Variants in DYNLL2 observed in about 807,000 individuals in gnomAD.
DYNLL2 encodes dynein light chain LC8-type 2, also known as dynein light chain 2, cytoplasmic.
In DYNLL2, 1 loss-of-function variant was observed where a neutral mutation model predicts 9.7. The ratio of observed to expected loss-of-function variants is 0.10; its 90% CI spans 0.04 to 0.49. DYNLL2 has a LOEUF of 0.49. DYNLL2 is among the 20% of genes least tolerant of loss of function. DYNLL2 has a pLI of 0.95. For missense variants in DYNLL2, 37 were observed against 115.2 expected (o/e 0.32, Z 3.11); for synonymous variants, 35 against 40.5 (o/e 0.86, Z 0.52).
intron 1 of DYNLL2, among the ~76,000 whole-genome samples, chr17:58,086,466 C>CG (rs1249683510): frequency 6.6e-6 from 1 of 152,170 alleles, no homozygotes; most frequent in African/African-American, 2.4e-5. Context: ...TACAACAACT[C>CG]GCGATAGAGA....
intron 1 of DYNLL2, among the ~76,000 whole-genome samples, chr17:58,085,083 T>C (rs140458982): frequency 1.8e-4 from 27 of 152,354 alleles, no homozygotes; most frequent in African/African-American, 6.3e-4. Flanking sequence ...GAATCTTTCC[T>C]CAGCACCACA....
intron 2 of DYNLL2, 66 bp from the exon 3 acceptor site, chr17:58,089,076 C>G (rs1194096161): frequency 6.3e-7 from 1 of 1,591,980 alleles, no homozygotes; most frequent in African/African-American, 1.4e-5. Flanking sequence ...GGAGAGACTC[C>G]CATTCTGATT....
Position 58,089,930 on chromosome 17 carries a change from G to A in DYNLL2, c.*651G>A. On this transcript the variant is annotated 3_prime_UTR_variant, in exon 3 of 3. Transcript: ENST00000579991. ...GGAGCAGATTTGTCTTGCTGTCTTT[G>A]TCAGAATTTCTAAGTAAGGGCTGTG... 1 of 398,758 alleles carries A rather than the reference G, an allele frequency of 2.5e-6. No individual in the cohort carries two copies. Among genetic ancestry groups the A allele is most frequent in the Non-Finnish European group, 4.4e-6 (1 of 226,162 alleles). 24.7% of individuals were successfully genotyped at this position (398,758 alleles called of 1,614,324 possible). A position where few individuals can be genotyped will look rare whatever the true frequency, so the allele number is the denominator to read the frequency against.
chr17:58,091,578 T>A lies in DYNLL2; in HGVS notation c.*2299T>A, dbSNP rs950311260. On this transcript the variant is annotated 3_prime_UTR_variant, in exon 3 of 3. Transcript: ENST00000579991. ...TGCTGCTTCAACTTTTGCCCAAAGCTCTTATCTTTCATACTCCTCCCTTCT... is the reference window on the plus strand; with the variant it reads ...TGCTGCTTCAACTTTTGCCCAAAGCACTTATCTTTCATACTCCTCCCTTCT... 3 of 152,294 alleles carry A rather than the reference T, an allele frequency of 2.0e-5. No homozygotes were observed. The East Asian group carries it at 5.8e-4, about 29-fold the overall frequency. The allele number at this position is 152,294 out of a possible 1,614,324, so 9.4% of individuals were successfully genotyped here. A position where few individuals can be genotyped will look rare whatever the true frequency, so the allele number is the denominator to read the frequency against.
At chr17:58,085,014 A>G (rs1415999248) in intron 1 of DYNLL2, among the ~76,000 whole-genome samples, 1 of 152,220 alleles carries the variant, frequency 6.6e-6, no homozygotes, top group Non-Finnish European at 1.5e-5. Context: ...AGTATTTAAA[A>G]TGAAGATGTT....
rs886502867 is a variant in DYNLL2 at position 58,089,997 on chromosome 17, A to G, written c.*718A>G. ...TCTTTTGTTCTTCCTGCCAGAGATC[A>G]TGACAGGAGGATGCTGGGGTAGGAT... On this transcript the variant is annotated 3_prime_UTR_variant, in exon 3 of 3. Coordinates refer to ENST00000579991, the MANE Select transcript of DYNLL2 (RefSeq NM_080677.3). The G allele has an allele frequency of 5.0e-6, 2 of 398,368 alleles. No homozygotes were observed. The highest frequency in any genetic ancestry group is 8.8e-5 in the Admixed American group (2 of 22,712). 24.7% of individuals were successfully genotyped at this position (398,368 alleles called of 1,614,324 possible).
Position 58,092,527 on chromosome 17 carries a change from G to A in DYNLL2, c.*3248G>A, listed in dbSNP as rs1209462555. On this transcript the variant is annotated 3_prime_UTR_variant, in exon 3 of 3. Coordinates refer to ENST00000579991, the MANE Select transcript of DYNLL2 (RefSeq NM_080677.3). ...CAGATGGAAATTGTGGAATTCTCTCGGAACAATGCAGCCATTATTAGAACT... is the reference window on the plus strand; with the variant it reads ...CAGATGGAAATTGTGGAATTCTCTCAGAACAATGCAGCCATTATTAGAACT... The A allele has an allele frequency of 2.6e-5, 4 of 152,206 alleles. No individual in the cohort carries two copies. The highest frequency in any genetic ancestry group is 4.8e-5 in the African/African-American group (2 of 41,430). The allele number at this position is 152,206 out of a possible 1,614,324, so 9.4% of individuals were successfully genotyped here. A position where few individuals can be genotyped will look rare whatever the true frequency, so the allele number is the denominator to read the frequency against.
intron 2 of DYNLL2, among the ~76,000 whole-genome samples, chr17:58,088,774 A>G (rs1189522321): frequency 6.6e-6 from 1 of 152,080 alleles, no homozygotes; most frequent in Non-Finnish European, 1.5e-5. Context: ...CATGTGTTTG[A>G]CAAATGGTCC....
At chr17:58,083,837 G>T (rs1036378950) in intron 1 of DYNLL2, among the ~76,000 whole-genome samples, 154 bp downstream of exon 1, 1 of 151,730 alleles carries the variant, frequency 6.6e-6, no homozygotes, top group African/African-American at 2.4e-5. Context: ...TGGCGTTGAC[G>T]GTCCGGGCAG....
intron 2 of DYNLL2, 54 bp downstream of exon 2, chr17:58,087,276 T>C: frequency 6.2e-7 from 1 of 1,606,698 alleles, no homozygotes; most frequent in Non-Finnish European, 8.5e-7. Context: ...ACAGCTGAGC[T>C]AACCTCCAGG....
intron 1 of DYNLL2, among the ~76,000 whole-genome samples, chr17:58,086,774 A>T (rs1324807583): frequency 2.0e-5 from 3 of 152,240 alleles, no homozygotes; most frequent in African/African-American, 7.2e-5. Context: ...GTAGATGTAC[A>T]CTGTAATATA....
rs375620719 is a variant in DYNLL2, at chr17:58,092,193, A to G, written c.*2914A>G. 2 of 152,240 alleles carry G rather than the reference A, an allele frequency of 1.3e-5. No homozygotes were observed. The highest frequency in any genetic ancestry group is 2.9e-5 in the Non-Finnish European group (2 of 68,064). 9.4% of individuals were successfully genotyped at this position (152,240 alleles called of 1,614,324 possible). A position where few individuals can be genotyped will look rare whatever the true frequency, so the allele number is the denominator to read the frequency against. ...TAAGTTGAGAGACTCTAGAGCCCCA[A>G]CTTCTGTTACTGCTTTAGCTGTCGT... On this transcript the variant is annotated 3_prime_UTR_variant, in exon 3 of 3. Transcript: ENST00000579991.
intron 1 of DYNLL2, among the ~76,000 whole-genome samples, chr17:58,084,793 C>T (rs1038455485): frequency 1.3e-5 from 2 of 152,174 alleles, no homozygotes; most frequent in Non-Finnish European, 2.9e-5. Context: ...TTCATACTTT[C>T]ACTTTGCTGT....
chr17:58,087,838 G>T (rs1306333664), intron 2 of DYNLL2, among the ~76,000 whole-genome samples: 1 of 152,212 alleles, frequency 6.6e-6, no homozygotes, highest in East Asian at 1.9e-4. Context: ...TGGTTAACAT[G>T]GTGAGGAAGC....
chr17:58,085,831 C>T (rs1378118732), intron 1 of DYNLL2, among the ~76,000 whole-genome samples: 1 of 152,186 alleles, frequency 6.6e-6, no homozygotes, highest in Non-Finnish European at 1.5e-5. Context: ...GGAAGGAAGG[C>T]TTCAGCATTC....
intron 2 of DYNLL2, among the ~76,000 whole-genome samples, chr17:58,088,743 G>C (rs1474737697): frequency 1.3e-5 from 2 of 152,186 alleles, no homozygotes; most frequent in Non-Finnish European, 2.9e-5. Flanking sequence ...GAGGCAGCGG[G>C]TGGTGGCTCC....
intron 1 of DYNLL2, among the ~76,000 whole-genome samples, chr17:58,084,799 G>T (rs1481542219): frequency 1.3e-5 from 2 of 152,102 alleles, no homozygotes; most frequent in African/African-American, 2.4e-5. Flanking sequence ...CTTTCACTTT[G>T]CTGTCTAACC....
chr17:58,088,889 T>C (rs2075770145), intron 2 of DYNLL2, among the ~76,000 whole-genome samples: 1 of 151,946 alleles, frequency 6.6e-6, no homozygotes, highest in African/African-American at 2.4e-5. Flanking sequence ...GATCAGGGTG[T>C]AGAGTGCTGG....
intron 2 of DYNLL2, 125 bp from the exon 3 acceptor site, chr17:58,089,017 G>A: frequency 8.4e-7 from 1 of 1,186,496 alleles, no homozygotes; most frequent in Non-Finnish European, 1.2e-6. Flanking sequence ...GAGGCTGAGG[G>A]ATGGGGTGGG....
Sources: gnomAD v4.1 joint callset for allele counts (sites outside exome capture counted in the v4.1 genomes callset) on GRCh38, gnomAD v4.1.1 for gene constraint, MANE v1.5 for transcripts, NCBI Gene and HGNC (gene_info 2026-07-23, HGNC 2026-07-21) for gene names.